Variants in DCBLD2 observed in about 807,000 individuals in gnomAD.
DCBLD2 encodes the protein discoidin, CUB and LCCL domain-containing protein 2.
A neutral mutation model predicts 86.8 loss-of-function variants in DCBLD2; 54 were observed. That is an observed-to-expected ratio of 0.62 (90% CI 0.50 to 0.78). The LOEUF (loss-of-function observed/expected upper bound fraction) is 0.78, where lower values mean the gene tolerates loss of function less well. Among genes scored for constraint, DCBLD2 ranks in the 30% least tolerant of loss-of-function variants. The pLI is 0.00. For synonymous variants in DCBLD2, 354 were observed against 341.3 expected (o/e 1.04, Z -0.41); for missense variants, 908 against 954.2 (o/e 0.95, Z 0.64).
intron 2 of DCBLD2, among the ~76,000 whole-genome samples, chr3:98,857,559 C>A (rs1020949077): frequency 6.6e-6 from 1 of 152,162 alleles, no homozygotes; most frequent in Non-Finnish European, 1.5e-5. Context: ...AAGTTCTCCA[C>A]ATCCCCACGA....
intron 1 of DCBLD2, among the ~76,000 whole-genome samples, chr3:98,889,097 A>G (rs556389499): frequency 1.3e-5 from 2 of 152,010 alleles, no homozygotes; most frequent in African/African-American, 4.8e-5. Context: ...ACTCTTTCTG[A>G]TATCTTCGCT....
At chr3:98,800,455 T>C in intron 15 of DCBLD2, 124 bp downstream of exon 15, 1 of 1,135,428 alleles carries the variant, frequency 8.8e-7, no homozygotes, top group Non-Finnish European at 1.2e-6. Flanking sequence ...TGGTTCTACC[T>C]TTAGGAAACA....
rs538668736 is a variant in DCBLD2 at position 98,901,168 on chromosome 3, G to A, written c.159C>T (p.Leu53=). ...CGAGCAGCAGGAGCAGGACAAGTAA[G>A]AGCAGGAGGAACAGAGGCATGGAGA... The part of the protein sequence containing the change: ...SSFSMPLFLL[L]LLVLLLLLED... The change falls in exon 1 of 16, where the codon CTC becomes CTT. Residue 53 remains leucine (L), a synonymous_variant. Transcript: ENST00000326840. 1 of 1,538,438 alleles carries A rather than the reference G, an allele frequency of 6.5e-7. No individual in the cohort carries two copies. Among genetic ancestry groups the A allele is most frequent in the Non-Finnish European group, 8.7e-7 (1 of 1,146,844 alleles).
At chr3:98,860,585 A>C (rs1943022984) in intron 2 of DCBLD2, among the ~76,000 whole-genome samples, 1 of 152,240 alleles carries the variant, frequency 6.6e-6, no homozygotes, top group Non-Finnish European at 1.5e-5. Context: ...TTCTTAAAGG[A>C]AAGAATTTTC....
At chr3:98,892,499 T>C (rs951273396) in intron 1 of DCBLD2, among the ~76,000 whole-genome samples, 1 of 152,092 alleles carries the variant, frequency 6.6e-6, no homozygotes, top group African/African-American at 2.4e-5. Context: ...CAACTCACCC[T>C]TTCCTGGACC....
intron 3 of DCBLD2, among the ~76,000 whole-genome samples, chr3:98,844,718 T>C (rs1942688219): frequency 6.6e-6 from 1 of 152,170 alleles, no homozygotes; most frequent in African/African-American, 2.4e-5. Context: ...TGGACCTTAC[T>C]GTGGTAGGTT....
At chr3:98,883,066 C>T (rs1943499831) in intron 1 of DCBLD2, among the ~76,000 whole-genome samples, 1 of 152,208 alleles carries the variant, frequency 6.6e-6, no homozygotes, top group Admixed American at 6.5e-5. Context: ...TATTTCTCCA[C>T]ATCCTCTCCA....
At position 98,796,711 on chromosome 3, in the gene DCBLD2, T is replaced by G. The variant is rs1318218588; in HGVS notation, c.*2661A>C. ...ACTAGACCCATCACATCCAACAGGA[T>G]CTATTTAGATTTACAGCATTTAATA... On this transcript the variant is annotated 3_prime_UTR_variant, in exon 16 of 16. Coordinates refer to ENST00000326840, the MANE Select transcript of DCBLD2 (RefSeq NM_080927.4). 6.6e-6 allele frequency: 1 copy of G among 152,614 alleles called. No homozygotes were observed. The highest frequency in any genetic ancestry group is 1.5e-5 in the Non-Finnish European group (1 of 68,032). 9.5% of individuals were successfully genotyped at this position (152,614 alleles called of 1,614,324 possible). A position where few individuals can be genotyped will look rare whatever the true frequency, so the allele number is the denominator to read the frequency against.
At chr3:98,880,671 C>T (rs1006349148) in intron 2 of DCBLD2, among the ~76,000 whole-genome samples, 1 of 152,170 alleles carries the variant, frequency 6.6e-6, no homozygotes, top group Non-Finnish European at 1.5e-5. Flanking sequence ...TGGCCACTAC[C>T]ATTTACTAAG....
At chr3:98,855,209 T>A (rs73138030) in intron 2 of DCBLD2, among the ~76,000 whole-genome samples, 17,237 of 152,128 alleles carry the variant, frequency 0.11, 1,192 homozygotes, top group South Asian at 0.18. Context: ...AACAAAGATA[T>A]TTAAATGGAT....
intron 1 of DCBLD2, chr3:98,895,326 C>T (rs1487230082): frequency 2.0e-5 from 3 of 152,132 alleles, no homozygotes; most frequent in Admixed American, 6.5e-5. Context: ...GAGGAAAATG[C>T]CCCAGCATGT....
intron 2 of DCBLD2, among the ~76,000 whole-genome samples, chr3:98,870,780 A>C (rs1224719011): frequency 1.3e-5 from 2 of 150,940 alleles, no homozygotes; most frequent in Non-Finnish European, 3.0e-5. Flanking sequence ...AAAGAAAGAA[A>C]GAAAGAAAGA....
chr3:98,857,481 A>G (rs1267242872), intron 2 of DCBLD2, among the ~76,000 whole-genome samples: 1 of 149,966 alleles, frequency 6.7e-6, no homozygotes, highest in East Asian at 1.9e-4. Context: ...TCCATTTTAC[A>G]GAGAGCTTAT....
In DCBLD2 at chr3:98,811,247, G is replaced by GT; in HGVS notation, c.1522dup (p.Thr508AsnfsTer6). Reference sequence around the variant, plus strand: ...ATTTCTGATATCAGGACTGGCAGTTGTTTGTTCTGTCTGTGCAGGAAATTC... The same window carrying GT: ...ATTTCTGATATCAGGACTGGCAGTTGTTTTGTTCTGTCTGTGCAGGAAATTC... On this transcript the variant is annotated frameshift_variant, in exon 12 of 16. Coordinates refer to ENST00000326840, the MANE Select transcript of DCBLD2 (RefSeq NM_080927.4). LOFTEE classifies it high-confidence loss of function. The GT allele has an allele frequency of 6.2e-7, 1 of 1,612,632 alleles. No homozygotes were observed. The highest frequency in any genetic ancestry group is 8.5e-7 in the Non-Finnish European group (1 of 1,179,366).
intron 13 of DCBLD2, among the ~76,000 whole-genome samples, chr3:98,802,206 C>T (rs1170381200): frequency 2.6e-5 from 4 of 152,312 alleles, no homozygotes; most frequent in Non-Finnish European, 5.9e-5. Context: ...TCCACATCCT[C>T]TCCAGCACCT....
chr3:98,838,803 G>C (rs558856505), intron 3 of DCBLD2, among the ~76,000 whole-genome samples: 29 of 152,118 alleles, frequency 1.9e-4, no homozygotes, highest in African/African-American at 6.8e-4. Context: ...CCGGCACCTC[G>C]GGAGGCTGAG....
intron 6 of DCBLD2, 69 bp downstream of exon 6, chr3:98,822,159 C>T (rs1206485043): frequency 6.3e-7 from 1 of 1,576,236 alleles, no homozygotes; most frequent in Non-Finnish European, 8.7e-7. Context: ...CTAGCTAGTT[C>T]TTAGCCCAGT....
intron 2 of DCBLD2, among the ~76,000 whole-genome samples, chr3:98,856,091 A>G (rs1274068704): frequency 6.6e-6 from 1 of 152,250 alleles, no homozygotes; most frequent in Non-Finnish European, 1.5e-5. Context: ...TAGAATATCA[A>G]GAAATTTCTT....
chr3:98,846,875 C>CTT (rs143880077), intron 3 of DCBLD2, among the ~76,000 whole-genome samples: 11 of 151,730 alleles, frequency 7.2e-5, no homozygotes, highest in African/African-American at 1.7e-4. Flanking sequence ...ATATGAGAAC[C>CTT]TTTTTTTAAA....
Sources: gnomAD v4.1 joint callset for allele counts (sites outside exome capture counted in the v4.1 genomes callset) on GRCh38, gnomAD v4.1.1 for gene constraint, MANE v1.5 for transcripts, NCBI Gene and HGNC (gene_info 2026-07-23, HGNC 2026-07-21) for gene names.